Variants in LRP1B observed in about 807,000 individuals in gnomAD.
LRP1B encodes low-density lipoprotein receptor-related protein 1B.
A neutral mutation model predicts 556.6 loss-of-function variants in LRP1B; 217 were observed. The observed-to-expected ratio is 0.39, with a 90% CI of 0.35 to 0.44. The LOEUF is 0.44. LRP1B is among the 20% of genes least tolerant of loss of function. LRP1B has a pLI of 1.00. For synonymous variants in LRP1B, 2,047 were observed against 1,865.8 expected (o/e 1.10, Z -2.50); for missense variants, 5,053 against 5,620.8 (o/e 0.90, Z 3.23).
chr2:140,363,373 G>A (rs893588238), intron 72 of LRP1B, among the ~76,000 whole-genome samples: 2 of 151,484 alleles, frequency 1.3e-5, no homozygotes, highest in Non-Finnish European at 3.0e-5. Context: ...CCTGGAAGCA[G>A]CTCTAGGAGA....
intron 31 of LRP1B, 129 bp downstream of exon 31, chr2:140,839,862 G>A (rs1157028224): frequency 1.5e-6 from 1 of 653,624 alleles, no homozygotes; most frequent in Admixed American, 3.1e-5. Flanking sequence ...CAATGAAATT[G>A]GTCAGTTCCT....
intron 2 of LRP1B, among the ~76,000 whole-genome samples, chr2:141,565,420 A>G (rs1289673295): frequency 1.3e-5 from 2 of 152,194 alleles, no homozygotes; most frequent in African/African-American, 4.8e-5. Context: ...GAAAGGAGCA[A>G]AAAGATGATC....
chr2:140,653,298 G>GT (rs1684754899), intron 41 of LRP1B, among the ~76,000 whole-genome samples: 1 of 152,098 alleles, frequency 6.6e-6, no homozygotes, highest in South Asian at 2.1e-4. Context: ...AGTAGCAAAA[G>GT]TTTACTCCCT....
chr2:140,542,578 A>G (rs1465159629), intron 43 of LRP1B, among the ~76,000 whole-genome samples: 2 of 152,128 alleles, frequency 1.3e-5, no homozygotes, highest in Non-Finnish European at 2.9e-5. Flanking sequence ...ACTTTTCAAC[A>G]CATTGCACAT....
intron 11 of LRP1B, among the ~76,000 whole-genome samples, chr2:141,035,100 C>A (rs1478122436): frequency 6.6e-6 from 1 of 151,814 alleles, no homozygotes; most frequent in East Asian, 1.9e-4. Context: ...AGCAAACTAT[C>A]GCAAGGACAA....
At chr2:141,147,119 C>T (rs1394217313) in intron 7 of LRP1B, among the ~76,000 whole-genome samples, 2 of 152,188 alleles carry the variant, frequency 1.3e-5, no homozygotes, top group Non-Finnish European at 2.9e-5. Context: ...CTGGAACATG[C>T]TGCATTCCCC....
intron 2 of LRP1B, among the ~76,000 whole-genome samples, chr2:141,678,485 C>T (rs967946636): frequency 6.6e-6 from 1 of 152,020 alleles, no homozygotes; most frequent in Non-Finnish European, 1.5e-5. Context: ...AAGATGGGCT[C>T]GAAAAGCATT....
chr2:141,069,919 C>G (rs2105480817), intron 7 of LRP1B, among the ~76,000 whole-genome samples: 1 of 151,670 alleles, frequency 6.6e-6, no homozygotes, highest in African/African-American at 2.4e-5. Context: ...TGTCATTTAG[C>G]ATTAGGTATA....
intron 43 of LRP1B, among the ~76,000 whole-genome samples, chr2:140,556,359 G>A (rs999592996): frequency 3.3e-5 from 5 of 151,934 alleles, no homozygotes; most frequent in Non-Finnish European, 5.9e-5. Context: ...AGGGAATGTC[G>A]CACAGTGACA....
At chr2:141,499,017 A>C (rs2105128211) in intron 2 of LRP1B, among the ~76,000 whole-genome samples, 1 of 152,214 alleles carries the variant, frequency 6.6e-6, no homozygotes, top group South Asian at 2.1e-4. Flanking sequence ...CTCATGAATT[A>C]ATGTCTCTAC....
chr2:141,478,533 C>CCTTT (rs1682797092), intron 3 of LRP1B, among the ~76,000 whole-genome samples: 1 of 147,168 alleles, frequency 6.8e-6, no homozygotes, highest in Non-Finnish European at 1.5e-5. Context: ...TCCCTCCCTC[C>CCTTT]CTCTCTCTCT....
chr2:140,688,306 C>G (rs1452170254), intron 41 of LRP1B, among the ~76,000 whole-genome samples: 2 of 151,920 alleles, frequency 1.3e-5, no homozygotes, highest in Admixed American at 6.6e-5. Context: ...ATCTATTGAC[C>G]CCTTTATAGT....
At chr2:141,287,190 TA>T (rs1558982756) in intron 3 of LRP1B, among the ~76,000 whole-genome samples, 2 of 152,216 alleles carry the variant, frequency 1.3e-5, no homozygotes, top group Non-Finnish European at 2.9e-5. Context: ...TCAATTTTAT[TA>T]ATTTCTGTTG....
chr2:141,298,679 G>T (rs989106988), intron 3 of LRP1B, among the ~76,000 whole-genome samples: 1 of 152,100 alleles, frequency 6.6e-6, no homozygotes, highest in Admixed American at 6.5e-5. Flanking sequence ...GTGAGGCCAG[G>T]CGTGGTGGCT....
intron 68 of LRP1B, among the ~76,000 whole-genome samples, chr2:140,377,484 T>C (rs911887392): frequency 6.6e-6 from 1 of 152,176 alleles, no homozygotes; most frequent in African/African-American, 2.4e-5. Context: ...TTGGGGTCCT[T>C]TTAGATTTGA....
intron 2 of LRP1B, among the ~76,000 whole-genome samples, chr2:141,757,112 A>G (rs72847460): frequency 0.037 from 5,561 of 152,240 alleles, 135 homozygotes; most frequent in South Asian, 0.093. Flanking sequence ...CAAACCTGTA[A>G]GTTATGTCAC....
chr2:141,782,886 C>G lies in LRP1B; in HGVS notation c.205+27393G>C, dbSNP rs192241996. 1.3e-4 allele frequency among the ~76,000 whole-genome samples: 20 copies of G among 151,970 alleles called. No individual in the cohort carries two copies. In the East Asian group the frequency reaches 3.7e-3, roughly 28 times the overall value. On this transcript the variant is annotated intron_variant, in intron 2 of 90. Coordinates refer to ENST00000389484, the MANE Select transcript of LRP1B (RefSeq NM_018557.3). ...GTTAGAAAAGCCTTTCTGAGAAGAG[C>G]TGGGGATGCTTTTTCTTTTAGGGAG...
chr2:141,634,832 A>C (rs1355601604), intron 2 of LRP1B, among the ~76,000 whole-genome samples: 3 of 151,946 alleles, frequency 2.0e-5, no homozygotes, highest in Admixed American at 1.3e-4. Flanking sequence ...ATTTGACTGG[A>C]CCATTGATTT....
In LRP1B at chr2:142,115,728, A is replaced by C. The variant is rs12620891; in HGVS notation, c.82+14920T>G. 2.2e-3 allele frequency among the ~76,000 whole-genome samples: 7 copies of C among 3,204 alleles called. 3 individuals carry two copies. Among genetic ancestry groups the C allele is most frequent in the African/African-American group, 5.7e-3 (7 of 1,222 alleles). 2.1% of individuals were successfully genotyped at this position (3,204 alleles called of 152,430 possible). A position where few individuals can be genotyped will look rare whatever the true frequency, so the allele number is the denominator to read the frequency against. On this transcript the variant is annotated intron_variant, in intron 1 of 90. Transcript: ENST00000389484. ...TATAATATATATGTAATATATATATAATATATATGTAATATATATATTATA... is the reference window on the plus strand; with the variant it reads ...TATAATATATATGTAATATATATATCATATATATGTAATATATATATTATA...
Sources: gnomAD v4.1 joint callset for allele counts (sites outside exome capture counted in the v4.1 genomes callset) on GRCh38, gnomAD v4.1.1 for gene constraint, MANE v1.5 for transcripts, NCBI Gene and HGNC (gene_info 2026-07-23, HGNC 2026-07-21) for gene names.